Variants in CR1L observed in about 807,000 individuals in gnomAD.
The protein encoded by CR1L is complement component receptor 1-like protein.
A neutral mutation model predicts 62.3 loss-of-function variants in CR1L; 59 were observed. The observed-to-expected ratio is 0.95, with a 90% confidence interval of 0.77 to 1.18. CR1L has a LOEUF of 1.18. Ranked by LOEUF, CR1L falls within the 50% of genes most tolerant of loss-of-function variation. The pLI, the probability that CR1L is intolerant of heterozygous loss-of-function variation, is 0.00. For synonymous variants in CR1L, 279 were observed against 248.7 expected (o/e 1.12, Z -1.15); for missense variants, 700 against 702.8 (o/e 1.00, Z 0.04).
intron 1 of CR1L, among the ~76,000 whole-genome samples, chr1:207,671,542 T>C (rs1001165020): frequency 6.6e-6 from 1 of 150,906 alleles, no homozygotes; most frequent in Non-Finnish European, 1.5e-5. Flanking sequence ...ATTGCAAACT[T>C]AGGGCAACTA....
intron 4 of CR1L, among the ~76,000 whole-genome samples, chr1:207,692,333 A>G (rs946668672): frequency 2.0e-5 from 3 of 152,200 alleles, no homozygotes; most frequent in Non-Finnish European, 2.9e-5. Context: ...CTCAGCATCC[A>G]TTTAGAATAT....
At chr1:207,649,457 C>G (rs1663188147) in intron 1 of CR1L, among the ~76,000 whole-genome samples, 1 of 152,198 alleles carries the variant, frequency 6.6e-6, no homozygotes, top group Non-Finnish European at 1.5e-5. Flanking sequence ...AGCTTGAGCC[C>G]TTTTGTTTGA....
At chr1:207,692,928 C>T (rs1469698216) in intron 4 of CR1L, among the ~76,000 whole-genome samples, 1 of 152,166 alleles carries the variant, frequency 6.6e-6, no homozygotes, top group Admixed American at 6.5e-5. Context: ...TTCTATCAAT[C>T]CTATATGAAA....
intron 1 of CR1L, among the ~76,000 whole-genome samples, chr1:207,674,929 A>T (rs1380134333): frequency 6.6e-6 from 1 of 151,678 alleles, no homozygotes; most frequent in Non-Finnish European, 1.5e-5. Context: ...TGAAACTTTT[A>T]AAAAATATAG....
chr1:207,673,018 C>T (rs1363135525), intron 1 of CR1L, among the ~76,000 whole-genome samples: 1 of 152,176 alleles, frequency 6.6e-6, no homozygotes, highest in East Asian at 1.9e-4. Flanking sequence ...CTCTCACCCT[C>T]CCTGCAAAGA....
intron 3 of CR1L, among the ~76,000 whole-genome samples, chr1:207,679,153 A>ATTTTTTTTTT (rs34703217): frequency 0.03 from 2,688 of 90,122 alleles, 1 homozygote; most frequent in Non-Finnish European, 0.037. Context: ...GCCCACCACC[A>ATTTTTTTTTT]TTTTTTTTTT....
At chr1:207,653,294 A>G (rs1301049924) in intron 1 of CR1L, 1 of 153,390 alleles carries the variant, frequency 6.5e-6, no homozygotes, top group Non-Finnish European at 1.5e-5. Context: ...TTTCTATGTG[A>G]CAAGTTATAC....
intron 1 of CR1L, among the ~76,000 whole-genome samples, chr1:207,649,130 C>T (rs1374812843): frequency 4.6e-5 from 7 of 152,094 alleles, no homozygotes; most frequent in Non-Finnish European, 1.0e-4. Context: ...CACTGCTTCC[C>T]AGGGGGAGGC....
chr1:207,710,694 A>G, intron 10 of CR1L: 1 of 1,610,188 alleles, frequency 6.2e-7, no homozygotes, highest in Non-Finnish European at 8.5e-7. Flanking sequence ...TTTAGGTGTC[A>G]GCCTGGCTTT....
At chr1:207,665,147 G>A (rs368718349) in intron 1 of CR1L, among the ~76,000 whole-genome samples, 18 of 151,910 alleles carry the variant, frequency 1.2e-4, no homozygotes, top group South Asian at 2.1e-4. Flanking sequence ...TCTGCCTCCC[G>A]GGTTCCCGCC....
intron 1 of CR1L, chr1:207,669,587 G>A: frequency 1.4e-6 from 2 of 1,408,696 alleles, no homozygotes; most frequent in South Asian, 1.2e-5. Flanking sequence ...GGGGGCGTGG[G>A]GAGGCGCCCG....
chr1:207,714,894 C>G (rs1250138396), intron 10 of CR1L, among the ~76,000 whole-genome samples: 1 of 152,114 alleles, frequency 6.6e-6, no homozygotes, highest in African/African-American at 2.4e-5. Flanking sequence ...CTTACCAAAT[C>G]AAAAGCTGTT....
chr1:207,660,092 T>C (rs1663385895), intron 1 of CR1L, among the ~76,000 whole-genome samples: 1 of 152,246 alleles, frequency 6.6e-6, no homozygotes, highest in South Asian at 2.1e-4. Flanking sequence ...TCTGGGTGCA[T>C]GGCATATCTG....
At chr1:207,682,960 T>TTTTTCTTTCTTTCTTTCTTTC (rs1257190850) in intron 3 of CR1L, among the ~76,000 whole-genome samples, 1 of 140,082 alleles carries the variant, frequency 7.1e-6, no homozygotes, top group African/African-American at 2.6e-5. Flanking sequence ...TTATAAATCA[T>TTTTTCTTTCTTTCTTTCTTTC]TTTCTTTCTT....
chr1:207,674,531 C>G (rs10494884), intron 1 of CR1L, among the ~76,000 whole-genome samples: 1 of 151,826 alleles, frequency 6.6e-6, no homozygotes, highest in South Asian at 2.1e-4. Flanking sequence ...TGGGCTACTA[C>G]GCAAATTTAT....
chr1:207,690,545 C>T (rs1663980819), intron 4 of CR1L, among the ~76,000 whole-genome samples: 1 of 152,142 alleles, frequency 6.6e-6, no homozygotes, highest in Non-Finnish European at 1.5e-5. Context: ...TGGTTTAGAA[C>T]AGACTTTTTT....
chr1:207,691,308 C>G (rs910262923), intron 4 of CR1L, among the ~76,000 whole-genome samples: 2 of 151,834 alleles, frequency 1.3e-5, no homozygotes, highest in African/African-American at 4.8e-5. Flanking sequence ...ATAGCTATAT[C>G]AGCTTTCTTT....
At chr1:207,723,537 A>G in intron 11 of CR1L, 81 bp from the exon 12 acceptor site, 1 of 1,192,454 alleles carries the variant, frequency 8.4e-7, no homozygotes, top group Non-Finnish European at 1.2e-6. Context: ...AAATCAGGAT[A>G]AATTGTCACT....
At position 207,717,679 on chromosome 1, in the gene CR1L, C is replaced by T. The variant is rs267598343; in HGVS notation, c.1630C>T (p.Pro544Ser). 5.6e-6 allele frequency: 9 copies of T among 1,613,826 alleles called. No homozygotes were observed. Among genetic ancestry groups the T allele is most frequent in the Admixed American group, 5.0e-5 (3 of 59,996 alleles). ...WSSPAPRCEL[P>S]VGAGSHDALI... ...CAGCCCTGCCCCTCGCTGTGAACTTCCTGTTGGTGCTGGTCAGTATCCGCT... is the reference window on the plus strand; with the variant it reads ...CAGCCCTGCCCCTCGCTGTGAACTTTCTGTTGGTGCTGGTCAGTATCCGCT... The change falls in exon 11 of 12, where the codon CCT becomes TCT. Residue 544 changes from proline (P) to serine (S), a missense_variant. Physicochemically the swap from Pro to Ser is moderately conservative, Grantham distance 74 (BLOSUM62 -1). Transcript: ENST00000508064.
Sources: gnomAD v4.1 joint callset for allele counts (sites outside exome capture counted in the v4.1 genomes callset) on GRCh38, gnomAD v4.1.1 for gene constraint, MANE v1.5 for transcripts, NCBI Gene and HGNC (gene_info 2026-07-23, HGNC 2026-07-21) for gene names.